HEPH: variants seen among roughly 807,000 people sequenced by gnomAD.
The protein encoded by HEPH is hephaestin.
HEPH carries 69 observed loss-of-function variants against 80.8 expected under a neutral mutation model. The observed-to-expected ratio is 0.85, with a 90% CI of 0.70 to 1.04. The LOEUF (loss-of-function observed/expected upper bound fraction) is 1.04, where lower values mean the gene tolerates loss of function less well. Among genes scored for constraint, HEPH ranks in the 50% least tolerant of loss-of-function variants. The pLI is 0.00. For missense variants in HEPH, 1,115 were observed against 891.3 expected, an observed-to-expected ratio of 1.25 and a Z score of -3.20; for synonymous variants, 431 against 322.8, an observed-to-expected ratio of 1.34 and a Z score of -3.60.
chrX:66,225,787 G>A (rs1273359006), intron 15 of HEPH, among the ~76,000 whole-genome samples: 1 of 112,903 alleles, frequency 8.9e-6, no homozygotes, highest in African/African-American at 3.2e-5. Flanking sequence ...CGCCTAAGGG[G>A]CTGCCTCGAC....
At chrX:66,197,097 C>T (rs1299396192) in intron 9 of HEPH, among the ~76,000 whole-genome samples, 1 of 110,248 alleles carries the variant, frequency 9.1e-6, no homozygotes, top group Non-Finnish European at 1.9e-5. Flanking sequence ...TCTTTGATTA[C>T]TGATGGCATG....
At chrX:66,195,799 G>T (rs772990811) in intron 9 of HEPH, among the ~76,000 whole-genome samples, 1 of 111,866 alleles carries the variant, frequency 8.9e-6, no homozygotes, top group East Asian at 2.8e-4. Context: ...TGCAATGAAT[G>T]AATGCATATA....
rs1003394860 is a variant in HEPH at position 66,250,184 on chromosome X, A to G, written c.2564-4851A>G. Among the ~76,000 whole-genome samples, 3 of 111,171 alleles carry G rather than the reference A, an allele frequency of 2.7e-5. 1 individual carries two copies. Among genetic ancestry groups the G allele is most frequent in the African/African-American group, 6.5e-5 (2 of 30,559 alleles). On this transcript the variant is annotated intron_variant, in intron 15 of 20. Coordinates refer to ENST00000343002, the MANE Select transcript of HEPH (RefSeq NM_001367233.3). Reference sequence around the variant, plus strand: ...CTGACTAGATTCTAAGAGGACAGGCACTATGTTGTTTTGTTGATGACTCTT... The same window carrying G: ...CTGACTAGATTCTAAGAGGACAGGCGCTATGTTGTTTTGTTGATGACTCTT...
At chrX:66,162,870 T>C (rs1344692491), upstream of HEPH, 2 of 1,153,804 alleles carry the variant, frequency 1.7e-6, no homozygotes, top group African/African-American at 1.8e-5. Flanking sequence ...GATCTCCTCA[T>C]CACAAAGTAA....
At chrX:66,254,997 G>T in intron 15 of HEPH, 38 bp from the exon 16 acceptor site, 1 of 1,014,055 alleles carries the variant, frequency 9.9e-7, no homozygotes, top group Non-Finnish European at 1.4e-6. Context: ...AGAAATTTCT[G>T]ACCCGGTGCA....
Position 66,180,141 on chromosome X carries a change from G to GT in HEPH, c.625+6350dup, listed in dbSNP as rs959029990. Among the ~76,000 whole-genome samples the GT allele has an allele frequency of 2.9e-3, 303 of 105,771 alleles. 2 individuals are homozygous for GT. The highest frequency in any genetic ancestry group is 5.3e-3 in the African/African-American group (155 of 29,180). The allele number at this position is 105,771 out of a possible 115,157, so 91.8% of individuals were successfully genotyped here. On this transcript the variant is annotated intron_variant, in intron 4 of 20. Coordinates refer to ENST00000343002, the MANE Select transcript of HEPH (RefSeq NM_001367233.3). ...ATGCTATTTGTTGCCTGTGTACCTT[G>GT]TTTTTTTTTTATTTTTTTGTTTTTG...
At chrX:66,181,891 G>T (rs1170703455) in intron 4 of HEPH, among the ~76,000 whole-genome samples, 1 of 106,925 alleles carries the variant, frequency 9.4e-6, no homozygotes, top group African/African-American at 3.4e-5. Flanking sequence ...GTGTAAGGAA[G>T]GGATCCAGTT....
intron 14 of HEPH, 67 bp from the exon 15 acceptor site, chrX:66,208,048 C>T: frequency 1.1e-6 from 1 of 880,800 alleles, no homozygotes; most frequent in African/African-American, 2.0e-5. Flanking sequence ...ATGTCCCTTT[C>T]TTTAATGCTC....
intron 11 of HEPH, 75 bp from the exon 12 acceptor site, chrX:66,200,465 G>T (rs1241327478): frequency 3.6e-6 from 3 of 828,242 alleles, no homozygotes; most frequent in African/African-American, 2.0e-5. Flanking sequence ...GTACATAGCT[G>T]ATGCCATGCT....
At chrX:66,187,592 A>C in intron 4 of HEPH, among the ~76,000 whole-genome samples, 1 of 111,738 alleles carries the variant, frequency 8.9e-6, no homozygotes, top group Non-Finnish European at 1.9e-5. Flanking sequence ...GAGTCCTGTG[A>C]TGCGAACTGT....
Position 66,189,680 on chromosome X carries a change from G to A in HEPH, c.809-4G>A. ...TGATATTTTCTTTGGGTTTTCTTTTGCAGCAATCAATGGCTTTGTTTTTGG... is the reference window on the plus strand; with the variant it reads ...TGATATTTTCTTTGGGTTTTCTTTTACAGCAATCAATGGCTTTGTTTTTGG... On this transcript the variant is annotated splice_region_variant and splice_polypyrimidine_tract_variant and intron_variant, in intron 5 of 20. Coordinates refer to ENST00000343002, the MANE Select transcript of HEPH (RefSeq NM_001367233.3). The A allele has an allele frequency of 8.3e-7, 1 of 1,202,755 alleles. No homozygotes were observed. Among genetic ancestry groups the A allele is most frequent in the Non-Finnish European group, 1.1e-6 (1 of 889,147 alleles).
intron 1 of HEPH, among the ~76,000 whole-genome samples, chrX:66,166,642 G>T (rs1349204535): frequency 1.8e-5 from 2 of 112,059 alleles, no homozygotes; most frequent in African/African-American, 6.5e-5. Flanking sequence ...TTAGAAGGAA[G>T]AAAAATACTT....
chrX:66,246,309 C>T (rs2090803769), intron 15 of HEPH, among the ~76,000 whole-genome samples: 1 of 111,736 alleles, frequency 8.9e-6, no homozygotes, highest in Admixed American at 9.4e-5. Context: ...CCCTTTCTGC[C>T]ATCTGGGTGC....
intron 15 of HEPH, among the ~76,000 whole-genome samples, chrX:66,250,277 A>T (rs768419670): frequency 8.9e-6 from 1 of 111,735 alleles, no homozygotes; most frequent in Non-Finnish European, 1.9e-5. Context: ...AAAAAATTGC[A>T]TGCTTTCACC....
intron 15 of HEPH, among the ~76,000 whole-genome samples, chrX:66,214,735 A>G (rs1277057414): frequency 1.8e-5 from 2 of 108,877 alleles, no homozygotes; most frequent in Non-Finnish European, 3.8e-5. Flanking sequence ...AAATTTTCTT[A>G]ATAACATCTT....
intron 15 of HEPH, among the ~76,000 whole-genome samples, chrX:66,217,684 C>T (rs1433714320): frequency 9.0e-6 from 1 of 111,585 alleles, no homozygotes; most frequent in Non-Finnish European, 1.9e-5. Context: ...TACCTTACAT[C>T]TCACTACTAA....
chrX:66,178,661 A>T (rs2086936066), intron 4 of HEPH, among the ~76,000 whole-genome samples: 1 of 111,698 alleles, frequency 9.0e-6, no homozygotes, highest in Admixed American at 9.5e-5. Flanking sequence ...ATGGTATCTC[A>T]TTGTGGTTTT....
chrX:66,225,350 G>A (rs1227720245), intron 15 of HEPH, among the ~76,000 whole-genome samples: 3 of 111,266 alleles, frequency 2.7e-5, no homozygotes, highest in East Asian at 5.7e-4. Context: ...ACAAAGAATG[G>A]GTAAAAAGGG....
At position 66,266,588 on chromosome X, in the gene HEPH, G is replaced by T. The variant is rs1462106024; in HGVS notation, c.3393G>T (p.Trp1131Cys). 1 of 1,210,417 alleles carries T rather than the reference G, an allele frequency of 8.3e-7. No homozygotes were observed. The highest frequency in any genetic ancestry group is 2.2e-5 in the Admixed American group (1 of 45,903). Residue 1131 changes from tryptophan to cysteine, a missense_variant, in exon 21 of 21, where the codon TGG (tryptophan) becomes TGT (cysteine). By Grantham distance (215) the Trp-to-Cys change is radical. This residue lies in a region of HEPH where 716 missense variants were observed against 523.5 expected (regional missense o/e 1.37). Coordinates refer to ENST00000343002, the MANE Select transcript of HEPH (RefSeq NM_001367233.3). ...TTCTGGCTCTTGGTGGAGTGGTTTG[G>T]TACCAACATCGACAGAGAAAGCTAC... ...LVVLALGGVVWYQHRQRKLRR... is the reference protein window; with the variant it reads ...LVVLALGGVVCYQHRQRKLRR...
Sources: allele counts gnomAD v4.1 joint callset (sites outside exome capture counted in the v4.1 genomes callset), GRCh38; gene constraint gnomAD v4.1.1; regional missense constraint gnomAD v4.1.1; transcripts MANE v1.5; gene names NCBI Gene and HGNC (gene_info 2026-07-23, HGNC 2026-07-21).